Variants in PTPRB observed in about 807,000 individuals in gnomAD.
PTPRB encodes protein tyrosine phosphatase receptor type B, also known as receptor-type tyrosine-protein phosphatase beta.
A neutral mutation model predicts 238.1 loss-of-function variants in PTPRB; 97 were observed. The observed-to-expected ratio is 0.41, with a 90% confidence interval of 0.35 to 0.48. The LOEUF (loss-of-function observed/expected upper bound fraction) is 0.48, where lower values mean the gene tolerates loss of function less well. Among genes scored for constraint, PTPRB ranks in the 20% least tolerant of loss-of-function variants. The pLI is 0.30. For synonymous variants in PTPRB, 970 were observed against 995.4 expected, an observed-to-expected ratio of 0.97 and a Z score of 0.48; for missense variants, 2,292 against 2,681.9, an observed-to-expected ratio of 0.85 and a Z score of 3.21.
At chr12:70,570,130 A>G (rs1391656878) in intron 13 of PTPRB, among the ~76,000 whole-genome samples, 192 bp from the exon 14 acceptor site, 4 of 152,148 alleles carry the variant, frequency 2.6e-5, no homozygotes, top group African/African-American at 9.7e-5. Flanking sequence ...CTTAGGGGGA[A>G]GTCAAAGCCG....
At position 70,590,177 on chromosome 12, in the gene PTPRB, C is replaced by A; in HGVS notation, c.1837G>T (p.Val613Leu). 6.2e-7 allele frequency: 1 copy of A among 1,605,258 alleles called. No individual in the cohort carries two copies. Among genetic ancestry groups the A allele is most frequent in the African/African-American group, 1.3e-5 (1 of 74,798 alleles). The change falls in exon 8 of 34, where the codon GTA (valine) becomes TTA (leucine). Residue 613 changes from valine (V) to leucine (L), a missense_variant. Around this residue, in one of 4 missense-constraint regions of PTPRB, gnomAD observed 1,205 missense variants for 1,287.8 expected, o/e 0.94. Transcript: ENST00000334414. ...CCAGCAGGGGGCGACCAGCTCACTA[C>A]AAGAGACCTCATCCTGCCATTATTG... ...ANNNGRMRSL[V>L]VSWSPPAGDW...
chr12:70,582,707 CCTT>C (rs1477450609), intron 9 of PTPRB, among the ~76,000 whole-genome samples: 1 of 152,020 alleles, frequency 6.6e-6, no homozygotes, highest in East Asian at 1.9e-4. Flanking sequence ...AAAACTATAA[CCTT>C]CTAGGAGAAA....
At chr12:70,603,507 G>A (rs574305206) in intron 4 of PTPRB, among the ~76,000 whole-genome samples, 9 of 152,198 alleles carry the variant, frequency 5.9e-5, no homozygotes, top group East Asian at 3.9e-4. Context: ...TATACTTTTC[G>A]CAGAGTAGTG....
intron 8 of PTPRB, 91 bp from the exon 9 acceptor site, chr12:70,587,358 CGT>C: frequency 7.2e-7 from 1 of 1,386,096 alleles, no homozygotes. Flanking sequence ...CATCCTTAAG[CGT>C]GTTTCAGTTC....
chr12:70,567,049 G>C (rs1055776118), intron 14 of PTPRB, among the ~76,000 whole-genome samples: 1 of 152,058 alleles, frequency 6.6e-6, no homozygotes, highest in Non-Finnish European at 1.5e-5. Flanking sequence ...AGTGAATGTG[G>C]GTTTGACAGC....
rs1162798052 is a variant in PTPRB, at chr12:70,540,103, G to C, written c.5595-81C>G. On this transcript the variant is annotated intron_variant, in intron 23 of 33. Coordinates refer to ENST00000334414, the MANE Select transcript of PTPRB (RefSeq NM_001109754.4). ...TTTTTCCATTTATGGTAAGGCTGTG[G>C]ATGTTTGTGCAAATATGGATTTTTC... The C allele has an allele frequency of 1.3e-5, 16 of 1,204,194 alleles. No individual in the cohort carries two copies. In the East Asian group the frequency reaches 3.7e-4, roughly 28 times the overall value. The allele number at this position is 1,204,194 out of a possible 1,614,324, so 74.6% of individuals were successfully genotyped here. A position where few individuals can be genotyped will look rare whatever the true frequency, so the allele number is the denominator to read the frequency against.
At chr12:70,576,257 T>C in intron 11 of PTPRB, 125 bp downstream of exon 11, 1 of 1,071,704 alleles carries the variant, frequency 9.3e-7, no homozygotes, top group Non-Finnish European at 1.3e-6. Context: ...TACGAAGACT[T>C]CATAACAGTT....
intron 15 of PTPRB, among the ~76,000 whole-genome samples, chr12:70,564,567 C>T (rs867982809): frequency 1.4e-4 from 21 of 150,672 alleles, no homozygotes; most frequent in Non-Finnish European, 2.5e-4. Flanking sequence ...CGTGGTGGCT[C>T]GTGCCTGTAA....
chr12:70,573,415 G>C (rs189222587), intron 11 of PTPRB, among the ~76,000 whole-genome samples: 1 of 151,626 alleles, frequency 6.6e-6, no homozygotes, highest in Non-Finnish European at 1.5e-5. Context: ...TTGGTTTCTT[G>C]TGTACATGTT....
chr12:70,581,398 A>G lies in PTPRB; in HGVS notation c.2312-96T>C, dbSNP rs1565974269. 8 of 1,290,890 alleles carry G rather than the reference A, an allele frequency of 6.2e-6. No homozygotes were observed. The East Asian group carries it at 2.0e-4, about 32-fold the overall frequency. 80.0% of individuals were successfully genotyped at this position (1,290,890 alleles called of 1,614,324 possible). A position where few individuals can be genotyped will look rare whatever the true frequency, so the allele number is the denominator to read the frequency against. ...AAAAAATGGAGACAGACTTGAAAGT[A>G]CTAAAAATAATTTTTGTGTTGTTGC... On this transcript the variant is annotated intron_variant, in intron 9 of 33. Transcript: ENST00000334414.
At chr12:70,557,114 A>G (rs1877799115) in intron 18 of PTPRB, among the ~76,000 whole-genome samples, 1 of 152,218 alleles carries the variant, frequency 6.6e-6, no homozygotes, top group Admixed American at 6.5e-5. Flanking sequence ...GCTGTAAGGC[A>G]GAGGTGACAC....
intron 14 of PTPRB, among the ~76,000 whole-genome samples, chr12:70,567,755 A>G (rs563631205): frequency 4.6e-5 from 7 of 152,196 alleles, no homozygotes; most frequent in Non-Finnish European, 8.8e-5. Flanking sequence ...GTGGCTCTCC[A>G]TAATTCCAAA....
chr12:70,566,753 G>A (rs374702431), intron 14 of PTPRB, 49 bp from the exon 15 acceptor site: 34 of 1,572,928 alleles, frequency 2.2e-5, no homozygotes, highest in Non-Finnish European at 2.5e-5. Context: ...ATCACTTAGG[G>A]TAAAGTCATC....
intron 11 of PTPRB, among the ~76,000 whole-genome samples, chr12:70,575,586 G>A (rs1880594574): frequency 6.6e-6 from 1 of 152,120 alleles, no homozygotes; most frequent in Non-Finnish European, 1.5e-5. Context: ...CCTGCGCTAG[G>A]TAACAGGATA....
intron 21 of PTPRB, among the ~76,000 whole-genome samples, chr12:70,545,118 G>T (rs1282667962): frequency 6.6e-6 from 1 of 152,216 alleles, no homozygotes; most frequent in Admixed American, 6.5e-5. Context: ...ATCAAAGGAA[G>T]AACTAAAAGA....
At chr12:70,540,341 A>G (rs185055102) in intron 23 of PTPRB, 4 of 256,488 alleles carry the variant, frequency 1.6e-5, no homozygotes, top group African/African-American at 2.2e-5. Flanking sequence ...CACGACTTCA[A>G]TAAAGAGGAA....
chr12:70,599,976 GT>G (rs11471163), intron 4 of PTPRB, among the ~76,000 whole-genome samples: 41,205 of 137,824 alleles, frequency 0.3, 6,505 homozygotes, highest in African/African-American at 0.45. Flanking sequence ...GAAAGACCCT[GT>G]TTTTTTTTTT....
At position 70,622,541 on chromosome 12, in the gene PTPRB, C is replaced by T; in HGVS notation, c.557G>A (p.Arg186Lys). 2 of 1,610,240 alleles carry T rather than the reference C, an allele frequency of 1.2e-6. No individual in the cohort carries two copies. The highest frequency in any genetic ancestry group is 8.5e-7 in the Non-Finnish European group (1 of 1,177,992). ...AVPDGLVFLI[R>K]NTTEAFIRNA... is the part of the protein sequence containing the mutation. ...TCTGATGAAGGCCTCTGTGGTATTC[C>T]TAATAAGGAATACCAGGCCATCTGG... The change falls in exon 3 of 34, where the codon AGG (arginine) becomes AAG (lysine). Residue 186 changes from arginine to lysine, a missense_variant. Transcript: ENST00000334414.
chr12:70,575,864 G>C (rs1880630942), intron 11 of PTPRB, among the ~76,000 whole-genome samples: 1 of 152,148 alleles, frequency 6.6e-6, no homozygotes, highest in Non-Finnish European at 1.5e-5. Flanking sequence ...TTTTCACCTT[G>C]TGTGAAAAAG....
Sources: gnomAD v4.1 joint callset for allele counts (sites outside exome capture counted in the v4.1 genomes callset) on GRCh38, gnomAD v4.1.1 for gene constraint, gnomAD v4.1.1 regional missense constraint, MANE v1.5 for transcripts, NCBI Gene and HGNC (gene_info 2026-07-23, HGNC 2026-07-21) for gene names.